CACNA1A: variants seen among roughly 807,000 people sequenced by gnomAD.
The protein encoded by CACNA1A is voltage-dependent P/Q-type calcium channel subunit alpha-1A.
CACNA1A carries 57 observed loss-of-function variants against 262.4 expected under a neutral mutation model. The observed-to-expected ratio is 0.22, with a 90% confidence interval of 0.18 to 0.27. The LOEUF (loss-of-function observed/expected upper bound fraction) is 0.27. Ranked by LOEUF, CACNA1A falls within the 10% of genes least tolerant of loss-of-function variation. The pLI is 1.00. For missense variants in CACNA1A, 2,526 were observed against 3,562.8 expected, an observed-to-expected ratio of 0.71 and a Z score of 7.41; for synonymous variants, 1,431 against 1,419.3, an observed-to-expected ratio of 1.01 and a Z score of -0.18.
intron 12 of CACNA1A, among the ~76,000 whole-genome samples, chr19:13,309,786 T>A (rs192230280): frequency 1.7e-4 from 26 of 152,316 alleles, no homozygotes; most frequent in Non-Finnish European, 7.4e-5. Context: ...TCCTGAATTT[T>A]GTAATAACCA....
chr19:13,379,589 G>A (rs549488865), intron 3 of CACNA1A, among the ~76,000 whole-genome samples: 62 of 152,182 alleles, frequency 4.1e-4, no homozygotes, highest in African/African-American at 1.5e-3. Context: ...ATCAGTAAAG[G>A]CACCTGCTCT....
At chr19:13,245,107 G>T in intron 31 of CACNA1A, 75 bp downstream of exon 31, 1 of 1,167,300 alleles carries the variant, frequency 8.6e-7, no homozygotes, top group Non-Finnish European at 1.3e-6. Flanking sequence ...CTGCCTCTGG[G>T]ACCGCTCCCC....
intron 31 of CACNA1A, among the ~76,000 whole-genome samples, chr19:13,239,723 A>G (rs1415148633): frequency 6.6e-6 from 1 of 151,554 alleles, no homozygotes; most frequent in African/African-American, 2.4e-5. Context: ...GGGGAGGGAG[A>G]GAGATGTGTG....
At chr19:13,211,389 A>C (rs1263168891) in intron 43 of CACNA1A, 1 of 153,176 alleles carries the variant, frequency 6.5e-6, no homozygotes, top group Non-Finnish European at 1.5e-5. Flanking sequence ...CATGAGTCCA[A>C]GGCAACGGGA....
Position 13,212,644 on chromosome 19 carries a change from G to A in CACNA1A, c.6037C>T (p.Pro2013Ser). 6.6e-7 allele frequency: 1 copy of A among 1,516,276 alleles called. No individual in the cohort carries two copies. The highest frequency in any genetic ancestry group is 8.9e-7 in the Non-Finnish European group (1 of 1,129,326). The allele number at this position is 1,516,276 out of a possible 1,614,324, so 93.9% of individuals were successfully genotyped here. A position where few individuals can be genotyped will look rare whatever the true frequency, so the allele number is the denominator to read the frequency against. The part of the protein sequence containing the change: ...QNALPSTQLD[P>S]GGALMAHESG... Reference sequence around the variant, plus strand: ...GGTGACACTCACAGGGCTCCTCCTGGGTCCAGCTGGGTGGAGGGGAGGGCG... The same window carrying A: ...GGTGACACTCACAGGGCTCCTCCTGAGTCCAGCTGGGTGGAGGGGAGGGCG... The change falls in exon 41 of 47, where the codon CCA (proline) becomes TCA (serine). Residue 2013 changes from proline (P) to serine (S), a missense_variant. By Grantham distance (74) the Pro-to-Ser change is moderately conservative. Around this residue, in one of 17 missense-constraint regions of CACNA1A, gnomAD observed 929 missense variants for 868.1 expected, o/e 1.07. Coordinates refer to ENST00000360228, the MANE Select transcript of CACNA1A (RefSeq NM_001127222.2). The surrounding 1 kb of genome is among the most constrained non-coding windows in gnomAD (Gnocchi z 5.6).
At chr19:13,313,984 G>A (rs2058080819) in intron 11 of CACNA1A, among the ~76,000 whole-genome samples, 1 of 152,174 alleles carries the variant, frequency 6.6e-6, no homozygotes, top group South Asian at 2.1e-4. Context: ...CCTGTGTTGT[G>A]AGTGACCTAA....
At chr19:13,481,003 T>C (rs1445698669) in intron 1 of CACNA1A, among the ~76,000 whole-genome samples, 1 of 152,180 alleles carries the variant, frequency 6.6e-6, no homozygotes, top group Non-Finnish European at 1.5e-5. Context: ...TTTTGTTGCT[T>C]GAGGGGTGCA....
intron 3 of CACNA1A, among the ~76,000 whole-genome samples, chr19:13,420,737 C>T (rs531092146): frequency 6.6e-6 from 1 of 152,218 alleles, no homozygotes; most frequent in East Asian, 1.9e-4. Flanking sequence ...TATAACAGCC[C>T]TAGAAAGCCA....
chr19:13,434,162 A>G (rs1385761347), intron 3 of CACNA1A, among the ~76,000 whole-genome samples: 2 of 152,082 alleles, frequency 1.3e-5, no homozygotes, highest in Non-Finnish European at 2.9e-5. Context: ...TGTTGTTGTT[A>G]TTATTATTTT....
chr19:13,466,662 C>T (rs1408377589), intron 1 of CACNA1A, among the ~76,000 whole-genome samples: 1 of 118,522 alleles, frequency 8.4e-6, no homozygotes, highest in Non-Finnish European at 1.6e-5. Flanking sequence ...TTTTAAAATA[C>T]TGCTGCTGCT....
intron 38 of CACNA1A, among the ~76,000 whole-genome samples, chr19:13,217,094 C>T (rs1031518180): frequency 6.6e-6 from 1 of 152,114 alleles, no homozygotes; most frequent in African/African-American, 2.4e-5. Context: ...TGAGACTGCG[C>T]CACTGCACTC....
chr19:13,335,982 G>C, intron 6 of CACNA1A, 73 bp from the exon 7 acceptor site: 1 of 846,334 alleles, frequency 1.2e-6, no homozygotes, highest in Non-Finnish European at 1.9e-6. Flanking sequence ...GTGAGGGAAG[G>C]GGAAGCTCGG....
At chr19:13,473,877 T>C (rs1018086857) in intron 1 of CACNA1A, among the ~76,000 whole-genome samples, 1 of 152,132 alleles carries the variant, frequency 6.6e-6, no homozygotes, top group Non-Finnish European at 1.5e-5. Context: ...CTCTGAGCTG[T>C]TGCATTAGCA....
At chr19:13,314,169 G>A (rs2058085082) in intron 11 of CACNA1A, among the ~76,000 whole-genome samples, 1 of 152,186 alleles carries the variant, frequency 6.6e-6, no homozygotes, top group Non-Finnish European at 1.5e-5. Context: ...GAGTTAGGAA[G>A]GGCGTGGGTA....
At chr19:13,257,174 A>ATG (rs2056594920) in intron 28 of CACNA1A, 176 bp downstream of exon 28, 1 of 583,360 alleles carries the variant, frequency 1.7e-6, no homozygotes. Flanking sequence ...ACACTATATG[A>ATG]TGTGTTTCCT....
chr19:13,212,149 C>A lies in CACNA1A; in HGVS notation c.6257G>T (p.Gly2086Val), dbSNP rs765051582. 26 of 1,613,790 alleles carry A rather than the reference C, an allele frequency of 1.6e-5. No individual in the cohort carries two copies. In the Admixed American group the frequency reaches 4.2e-4, roughly 26 times the overall value. The change falls in exon 43 of 47, where the codon GGC (glycine) becomes GTC (valine). Residue 2086 changes from glycine to valine, a missense_variant. By Grantham distance (109) the Gly-to-Val change is moderately radical. Around this residue, in one of 17 missense-constraint regions of CACNA1A, gnomAD observed 929 missense variants for 868.1 expected, o/e 1.07. Transcript: ENST00000360228. The surrounding 1 kb of genome is among the most constrained non-coding windows in gnomAD (Gnocchi z 5.6). ...SDSEHYLPME[G>V]QGRAASMPRL... The stretch of plus-strand genomic sequence containing the variant: ...GGGCATGGAGGCAGCCCGGCCCTGG[C>A]CTTCCATGGGGAGGTAGTGCTCGCT...
At chr19:13,454,384 C>G (rs982861000) in intron 2 of CACNA1A, among the ~76,000 whole-genome samples, 2 of 151,896 alleles carry the variant, frequency 1.3e-5, no homozygotes, top group South Asian at 2.1e-4. Context: ...GCCTCCCCCC[C>G]ACCAAGATGG....
chr19:13,244,254 G>C (rs12052059), intron 31 of CACNA1A: 88,404 of 152,050 alleles, frequency 0.58, 26,076 homozygotes, highest in East Asian at 0.82. Flanking sequence ...CACCAGTGAG[G>C]TCTGCATTTG....
At chr19:13,276,987 C>T (rs971528207) in intron 23 of CACNA1A, 82 bp downstream of exon 23, 5 of 896,392 alleles carry the variant, frequency 5.6e-6, no homozygotes, top group Admixed American at 1.9e-5. Flanking sequence ...GCTGGGATTA[C>T]AGGCATGATC....
Sources: allele counts gnomAD v4.1 joint callset (sites outside exome capture counted in the v4.1 genomes callset), GRCh38; gene constraint gnomAD v4.1.1; regional missense constraint gnomAD v4.1.1; non-coding constraint Gnocchi (gnomAD v3.1); transcripts MANE v1.5; gene names NCBI Gene and HGNC (gene_info 2026-07-23, HGNC 2026-07-21).